Variants in DAGLB observed in about 807,000 individuals in gnomAD.
DAGLB encodes diacylglycerol lipase-beta.
DAGLB carries 66 observed loss-of-function variants against 72.1 expected under a neutral mutation model. That is an observed-to-expected ratio of 0.92 (90% CI 0.75 to 1.12). The LOEUF (loss-of-function observed/expected upper bound fraction) is 1.12, where lower values mean the gene tolerates loss of function less well. Ranked by LOEUF, DAGLB falls within the 50% of genes most tolerant of loss-of-function variation. DAGLB has a pLI of 0.00. For missense variants in DAGLB, 1,065 were observed against 884.9 expected, an observed-to-expected ratio of 1.20 and a Z score of -2.58; for synonymous variants, 414 against 359.5, an observed-to-expected ratio of 1.15 and a Z score of -1.71.
chr7:6,418,901 T>G (rs1784012384), intron 9 of DAGLB, among the ~76,000 whole-genome samples: 1 of 151,776 alleles, frequency 6.6e-6, no homozygotes, highest in African/African-American at 2.4e-5. Context: ...CCTGACCTCG[T>G]GATCCACCCG....
At chr7:6,437,201 T>TA (rs1562488019) in intron 2 of DAGLB, among the ~76,000 whole-genome samples, 23 of 145,508 alleles carry the variant, frequency 1.6e-4, no homozygotes, top group African/African-American at 6.0e-4. Flanking sequence ...TAGTAATAAT[T>TA]ATGCTGAGAC....
chr7:6,410,729 A>G lies in DAGLB; in HGVS notation c.1570-349T>C, dbSNP rs972951758. ...TCAGCTTTACCCTTCCTTCCCTGAAAGGCATTAGATATTAATTTCTATGGG... is the reference window on the plus strand; with the variant it reads ...TCAGCTTTACCCTTCCTTCCCTGAAGGGCATTAGATATTAATTTCTATGGG... On this transcript the variant is annotated intron_variant, in intron 13 of 14. Coordinates refer to ENST00000297056, the MANE Select transcript of DAGLB (RefSeq NM_139179.4). Among the ~76,000 whole-genome samples, 5 of 152,264 alleles carry G rather than the reference A, an allele frequency of 3.3e-5. No individual in the cohort carries two copies. In the East Asian group the frequency reaches 9.7e-4, roughly 29 times the overall value.
intron 13 of DAGLB, among the ~76,000 whole-genome samples, chr7:6,412,449 A>C (rs1477805690): frequency 6.6e-6 from 1 of 151,826 alleles, no homozygotes; most frequent in Non-Finnish European, 1.5e-5. Flanking sequence ...CAGTTCCTCC[A>C]GAGTATTTTC....
intron 3 of DAGLB, chr7:6,435,488 GAA>G (rs34469026): frequency 2.0e-4 from 29 of 142,310 alleles, no homozygotes; most frequent in South Asian, 1.4e-3. Flanking sequence ...CCGTCTCAAA[GAA>G]AAAAAAAAAA....
At chr7:6,410,065 C>G (rs188076040) in intron 14 of DAGLB, 30 bp from the exon 15 acceptor site, 1 of 1,601,284 alleles carries the variant, frequency 6.2e-7, no homozygotes, top group African/African-American at 1.3e-5. Flanking sequence ...ACAGCTCCCA[C>G]GCGGCCCCAG....
chr7:6,411,122 TTGGCCTCCCAAAGTGCTGGGATTACAGG>T (rs1583277599), intron 13 of DAGLB, among the ~76,000 whole-genome samples: 2 of 152,058 alleles, frequency 1.3e-5, no homozygotes, highest in East Asian at 3.9e-4. Flanking sequence ...TCCACCCGCC[TTGGCCTCCCAAAGTGCTGGGATTACAGG>T]CGTGAGCCAC....
intron 11 of DAGLB, 159 bp downstream of exon 11, chr7:6,416,468 G>C (rs1783919739): frequency 1.9e-6 from 2 of 1,054,842 alleles, no homozygotes; most frequent in Non-Finnish European, 2.6e-6. Flanking sequence ...GCCTGAACCT[G>C]GGAGGTGGAG....
chr7:6,426,995 C>T (rs1289460175), intron 6 of DAGLB, among the ~76,000 whole-genome samples: 1 of 152,152 alleles, frequency 6.6e-6, no homozygotes, highest in Non-Finnish European at 1.5e-5. Context: ...GTAATCCCAG[C>T]TACTCGGGAC....
At position 6,432,942 on chromosome 7, in the gene DAGLB, G is replaced by A; in HGVS notation, c.696C>T (p.Pro232=). 3 of 1,613,798 alleles carry A rather than the reference G, an allele frequency of 1.9e-6. No homozygotes were observed. Among genetic ancestry groups the A allele is most frequent in the Non-Finnish European group, 2.5e-6 (3 of 1,179,908 alleles). ...GGGCGAGGCCCGCCGCAATGTCGCT[G>A]GGCACCAGATCTGTGTCCTGGGTGG... ...STYFSDTDLV[P]SDIAAGLALL... The change falls in exon 5 of 15, where the codon CCC becomes CCT. Residue 232 remains proline, a synonymous_variant. Coordinates refer to ENST00000297056, the MANE Select transcript of DAGLB (RefSeq NM_139179.4).
intron 3 of DAGLB, 76 bp from the exon 4 acceptor site, chr7:6,435,096 C>T: frequency 6.4e-7 from 1 of 1,568,226 alleles, no homozygotes; most frequent in Non-Finnish European, 8.6e-7. Flanking sequence ...GTCCCTCCTC[C>T]AGGTTCAGTT....
intron 6 of DAGLB, among the ~76,000 whole-genome samples, chr7:6,427,940 C>A (rs1445612167): frequency 6.6e-6 from 1 of 152,130 alleles, no homozygotes; most frequent in Non-Finnish European, 1.5e-5. Context: ...AATTACAACC[C>A]ACTGAATAAT....
chr7:6,425,610 C>G (rs572060401), intron 7 of DAGLB, among the ~76,000 whole-genome samples: 1 of 152,092 alleles, frequency 6.6e-6, no homozygotes, highest in Non-Finnish European at 1.5e-5. Flanking sequence ...TGACAGTGAC[C>G]CCCCCAGAGT....
chr7:6,424,872 T>C, intron 7 of DAGLB, 37 bp from the exon 8 acceptor site: 5 of 1,602,102 alleles, frequency 3.1e-6, no homozygotes, highest in Non-Finnish European at 3.4e-6. Flanking sequence ...GCCTAAACAG[T>C]GAACACACGC....
intron 9 of DAGLB, 46 bp downstream of exon 9, chr7:6,421,681 G>A (rs1418837357): frequency 1.3e-6 from 2 of 1,564,676 alleles, no homozygotes; most frequent in Non-Finnish European, 1.7e-6. Context: ...CCCATCTTCT[G>A]TGTGGTCAGC....
At chr7:6,425,365 G>A (rs1473698140) in intron 7 of DAGLB, among the ~76,000 whole-genome samples, 2 of 152,016 alleles carry the variant, frequency 1.3e-5, no homozygotes, top group East Asian at 1.9e-4. Flanking sequence ...TCCGCCTCCC[G>A]GATTCAAGTG....
chr7:6,425,111 G>A (rs1784262329), intron 7 of DAGLB, among the ~76,000 whole-genome samples: 1 of 152,230 alleles, frequency 6.6e-6, no homozygotes, highest in Non-Finnish European at 1.5e-5. Flanking sequence ...CCAGGGTGCG[G>A]CCTGGACCTC....
At position 6,434,915 on chromosome 7, in the gene DAGLB, A is replaced by G. The variant is rs780397020; in HGVS notation, c.525T>C (p.Ser175=). 4.3e-5 allele frequency: 69 copies of G among 1,613,998 alleles called. No homozygotes were observed. The highest frequency in any genetic ancestry group is 5.3e-5 in the Non-Finnish European group (63 of 1,180,042). The change falls in exon 4 of 15, where the codon AGT becomes AGC. Residue 175 remains serine (S), a synonymous_variant. Coordinates refer to ENST00000297056, the MANE Select transcript of DAGLB (RefSeq NM_139179.4). ...CATTAAGTAACTGGCTTGAATCATG[A>G]CTATCCAGGTGGCTGGGGCCGGCAG... ...YSSAGPSHLD[S]HDSSQLLNGL...
At chr7:6,415,151 ACT>A (rs888840985) in intron 11 of DAGLB, among the ~76,000 whole-genome samples, 1 of 150,354 alleles carries the variant, frequency 6.7e-6, no homozygotes, top group Non-Finnish European at 1.5e-5. Context: ...ACTGAGTGAC[ACT>A]CTGTGTCAAT....
chr7:6,433,874 T>C (rs1053285353), intron 4 of DAGLB, among the ~76,000 whole-genome samples: 10 of 149,468 alleles, frequency 6.7e-5, no homozygotes, highest in Non-Finnish European at 1.0e-4. Context: ...AAAAAGACAA[T>C]ATACTGGCCA....
Sources: allele counts gnomAD v4.1 joint callset (sites outside exome capture counted in the v4.1 genomes callset), GRCh38; gene constraint gnomAD v4.1.1; transcripts MANE v1.5; gene names NCBI Gene and HGNC (gene_info 2026-07-23, HGNC 2026-07-21).